Variants in SEM1 observed in about 807,000 individuals in gnomAD.
SEM1 encodes the protein SEM1 26S proteasome subunit.
SEM1 carries 3 observed loss-of-function variants against 12.7 expected under a neutral mutation model. The ratio of observed to expected loss-of-function variants is 0.24; its 90% CI spans 0.11 to 0.61. SEM1 has a LOEUF of 0.61. Among genes scored for constraint, SEM1 ranks in the 20% least tolerant of loss-of-function variants. The pLI, the probability that SEM1 is intolerant of heterozygous loss-of-function variation, is 0.88. For missense variants in SEM1, 59 were observed against 81.3 expected (o/e 0.73, Z 1.06); for synonymous variants, 30 against 27.8 (o/e 1.08, Z -0.25).
In SEM1 at chr7:96,653,625, A is replaced by C. The variant is rs570402627; in HGVS notation, c.171-30982T>G. 3 of 152,354 alleles carry C rather than the reference A, an allele frequency of 2.0e-5. No homozygotes were observed. The East Asian group carries it at 5.8e-4, about 29-fold the overall frequency. The allele number at this position is 152,354 out of a possible 1,614,324, so 9.4% of individuals were successfully genotyped here. A position where few individuals can be genotyped will look rare whatever the true frequency, so the allele number is the denominator to read the frequency against. ...ATAACAACCTGTACAGATTAAGTTC[A>C]TTAAGTCCAATAATGCCACGTACTA... On this transcript the variant is annotated intron_variant, in intron 2 of 2. Coordinates refer to the SEM1 transcript ENST00000417009.
chr7:96,502,962 T>C (rs1563033885), intron 3 of SEM1, among the ~76,000 whole-genome samples: 2 of 152,158 alleles, frequency 1.3e-5, no homozygotes, highest in Non-Finnish European at 2.9e-5. Flanking sequence ...GTCTCTCCCT[T>C]TATCAGGCCA....
downstream of SEM1, among the ~76,000 whole-genome samples, chr7:96,685,783 TAAAA>T (rs529595521): frequency 8.5e-6 from 1 of 118,328 alleles, no homozygotes; most frequent in Non-Finnish European, 1.8e-5. Context: ...CATGGCTCAG[TAAAA>T]AAAAAAAAAA....
At chr7:96,494,800 T>C (rs1803175002) in intron 1 of SEM1, among the ~76,000 whole-genome samples, 1 of 147,296 alleles carries the variant, frequency 6.8e-6, no homozygotes, top group Non-Finnish European at 1.5e-5. Flanking sequence ...TTTCAGGCCA[T>C]AGAAATATTG....
chr7:96,544,108 C>T (rs75610133), intron 2 of SEM1, among the ~76,000 whole-genome samples: 2,528 of 152,100 alleles, frequency 0.017, 54 homozygotes, highest in East Asian at 0.071. Flanking sequence ...TAAAACATCA[C>T]AGAGAAATGA....
chr7:96,592,245 A>T (rs1806852326), intron 2 of SEM1, among the ~76,000 whole-genome samples: 1 of 151,870 alleles, frequency 6.6e-6, no homozygotes, highest in South Asian at 2.1e-4. Context: ...GTGAGGAGGT[A>T]TGAAAAGACA....
At chr7:96,704,273 T>A (rs1790374822) in intron 1 of SEM1, among the ~76,000 whole-genome samples, 1 of 152,148 alleles carries the variant, frequency 6.6e-6, no homozygotes, top group African/African-American at 2.4e-5. Flanking sequence ...AAAAAACATT[T>A]AACGTTGGTT....
Position 96,541,759 on chromosome 7 carries a change from C to G in SEM1, c.171-35061G>C, listed in dbSNP as rs192702857. The stretch of plus-strand genomic sequence containing the variant: ...ATTTAAACCTGCAATCTATCTTGAG[C>G]TAATTTTTTTATATGGTAAAAGGTA... On this transcript the variant is annotated intron_variant and NMD_transcript_variant, in intron 2 of 3. Coordinates refer to the SEM1 transcript ENST00000466986. Among the ~76,000 whole-genome samples the G allele has an allele frequency of 4.9e-3, 749 of 151,588 alleles. 5 individuals carry two copies. The highest frequency in any genetic ancestry group is 7.1e-3 in the Non-Finnish European group (480 of 67,768).
At chr7:96,702,251 T>TACACAC (rs371384763) in intron 1 of SEM1, among the ~76,000 whole-genome samples, 13 of 151,396 alleles carry the variant, frequency 8.6e-5, no homozygotes, top group African/African-American at 2.9e-4. Context: ...GTTTTATACA[T>TACACAC]ACACACACAC....
At chr7:96,630,517 T>C (rs1808215849) in intron 2 of SEM1, among the ~76,000 whole-genome samples, 1 of 152,096 alleles carries the variant, frequency 6.6e-6, no homozygotes, top group Admixed American at 6.6e-5. Context: ...TGGGACTCAC[T>C]TTTCAGGGGA....
At chr7:96,672,213 G>A (rs1267355380), downstream of SEM1, among the ~76,000 whole-genome samples, 2 of 152,196 alleles carry the variant, frequency 1.3e-5, no homozygotes, top group Non-Finnish European at 2.9e-5. Flanking sequence ...CAAGGAAAGA[G>A]CGAACAGTGG....
chr7:96,525,586 C>G (rs978755189), intron 2 of SEM1, among the ~76,000 whole-genome samples: 1 of 152,090 alleles, frequency 6.6e-6, no homozygotes, highest in African/African-American at 2.4e-5. Flanking sequence ...CTTCTCACCT[C>G]TTTTTCATTT....
chr7:96,663,120 C>T (rs185619934), intron 2 of SEM1, among the ~76,000 whole-genome samples: 85 of 147,324 alleles, frequency 5.8e-4, no homozygotes, highest in African/African-American at 2.0e-3. Context: ...AATAATATGA[C>T]GCAGAACTTG....
At chr7:96,667,700 A>C (rs1366238053) in intron 2 of SEM1, among the ~76,000 whole-genome samples, 4 of 152,238 alleles carry the variant, frequency 2.6e-5, no homozygotes, top group Non-Finnish European at 5.9e-5. Flanking sequence ...TAAACCAAAA[A>C]GCCTGGATTC....
intron 2 of SEM1, among the ~76,000 whole-genome samples, chr7:96,648,219 ATCATT>A (rs1808864223): frequency 6.6e-6 from 1 of 152,224 alleles, no homozygotes; most frequent in Non-Finnish European, 1.5e-5. Flanking sequence ...AAAGAAAAAT[ATCATT>A]TCAACTATCA....
chr7:96,662,188 T>C (rs1789026684), intron 2 of SEM1, among the ~76,000 whole-genome samples: 2 of 152,128 alleles, frequency 1.3e-5, no homozygotes, highest in South Asian at 2.1e-4. Flanking sequence ...ACCCAAAGGA[T>C]TATAAATCAT....
At chr7:96,540,109 A>T (rs1804901003) in intron 2 of SEM1, among the ~76,000 whole-genome samples, 1 of 151,530 alleles carries the variant, frequency 6.6e-6, no homozygotes, top group Admixed American at 6.6e-5. Flanking sequence ...TGAAACTGAT[A>T]ATACAAACAG....
intron 2 of SEM1, among the ~76,000 whole-genome samples, chr7:96,560,133 C>T (rs1267445704): frequency 2.0e-5 from 3 of 152,132 alleles, no homozygotes; most frequent in African/African-American, 7.2e-5. Context: ...AATAGTTCCG[C>T]AATGAGCATC....
chr7:96,521,590 G>T (rs566431229), intron 2 of SEM1, among the ~76,000 whole-genome samples: 18 of 152,026 alleles, frequency 1.2e-4, no homozygotes, highest in Non-Finnish European at 2.4e-4. Flanking sequence ...CACACAACTC[G>T]GCACGGTATT....
chr7:96,510,555 G>C (rs1584724180), intron 2 of SEM1, among the ~76,000 whole-genome samples: 1 of 152,256 alleles, frequency 6.6e-6, no homozygotes, highest in East Asian at 1.9e-4. Context: ...CCAAAGCATG[G>C]TTATGTAACA....
Sources: allele counts gnomAD v4.1 joint callset (sites outside exome capture counted in the v4.1 genomes callset), GRCh38; gene constraint gnomAD v4.1.1; transcripts MANE v1.5; gene names NCBI Gene and HGNC (gene_info 2026-07-23, HGNC 2026-07-21).